The following MARK2 variants were observed in gnomAD, a reference collection of about 807,000 sequenced individuals.
The protein encoded by MARK2 is microtubule affinity regulating kinase 2.
In MARK2, 16 loss-of-function variants were observed where a neutral mutation model predicts 89.8. That is an observed-to-expected ratio of 0.18 (90% CI 0.12 to 0.27). MARK2 has a LOEUF of 0.27. Ranked by LOEUF, MARK2 falls within the 10% of genes least tolerant of loss-of-function variation. The pLI, the probability that MARK2 is intolerant of heterozygous loss-of-function variation, is 1.00. For missense variants in MARK2, 621 were observed against 1,049.9 expected (o/e 0.59, Z 5.65); for synonymous variants, 382 against 399.5 (o/e 0.96, Z 0.52).
chr11:63,867,842 CT>C (rs1331619671), intron 1 of MARK2, among the ~76,000 whole-genome samples: 2 of 152,070 alleles, frequency 1.3e-5, no homozygotes, highest in Non-Finnish European at 2.9e-5. Flanking sequence ...TCTTAGCCCA[CT>C]GTTCCTCTGA....
At chr11:63,858,070 A>C (rs1484957634) in intron 1 of MARK2, among the ~76,000 whole-genome samples, 1 of 152,018 alleles carries the variant, frequency 6.6e-6, no homozygotes, top group Non-Finnish European at 1.5e-5. Context: ...TTTGTCACCC[A>C]GGGTGGAGTG....
At chr11:63,899,133 C>A in intron 7 of MARK2, 25 bp downstream of exon 7, 2 of 1,551,450 alleles carry the variant, frequency 1.3e-6, no homozygotes, top group Non-Finnish European at 1.8e-6. Context: ...TCTCCTTGTG[C>A]CTTTGAGTGG....
At chr11:63,876,486 G>A (rs1286985516) in intron 1 of MARK2, among the ~76,000 whole-genome samples, 1 of 152,206 alleles carries the variant, frequency 6.6e-6, no homozygotes, top group African/African-American at 2.4e-5. Context: ...ACTTGGTAGG[G>A]ACCCCGTTAT....
chr11:63,892,436 G>A lies in MARK2; in HGVS notation c.55-2723G>A, dbSNP rs181081732. On this transcript the variant is annotated intron_variant, in intron 1 of 18. Coordinates refer to ENST00000402010, the MANE Select transcript of MARK2 (RefSeq NM_001039469.3). ...GCTAGCAAGCTTCTTGTCTAGGAAT[G>A]CTGGACAGTTCCTTGGGTAGTAGCA... Among the ~76,000 whole-genome samples, 206 of 152,288 alleles carry A rather than the reference G, an allele frequency of 1.4e-3. 2 individuals carry two copies. The highest frequency in any genetic ancestry group is 4.8e-3 in the African/African-American group (199 of 41,568).
intron 18 of MARK2, 33 bp from the exon 19 acceptor site, chr11:63,908,844 C>CT (rs1941562935): frequency 7.0e-7 from 1 of 1,435,920 alleles, no homozygotes; most frequent in Non-Finnish European, 9.2e-7. Flanking sequence ...TGCCTCAGCC[C>CT]CCCCGTGACG....
intron 1 of MARK2, chr11:63,890,232 C>A (rs758152616): frequency 7.6e-7 from 1 of 1,317,652 alleles, no homozygotes; most frequent in Non-Finnish European, 9.9e-7. Context: ...TGGCTTGCCT[C>A]CTTACCCTGG....
chr11:63,878,327 C>G (rs1489194070), intron 1 of MARK2, among the ~76,000 whole-genome samples: 1 of 151,062 alleles, frequency 6.6e-6, no homozygotes, highest in African/African-American at 2.4e-5. Flanking sequence ...TTAAGCTCTA[C>G]CCCAAATGCT....
rs1361269745 is a variant in MARK2 at position 63,904,708 on chromosome 11, C to A, written c.1677-78C>A. ...CTAGCATCCCCCTCCCTGTCCCCAC[C>A]ACAGGGTGTCCAGGTGCCCAGTGAT... On this transcript the variant is annotated intron_variant, in intron 15 of 18. Transcript: ENST00000402010. This position sits in a 1 kb window ranked among gnomAD's most constrained non-coding sequence, Gnocchi z 6.3. 4.4e-6 allele frequency: 6 copies of A among 1,359,896 alleles called. No homozygotes were observed. The East Asian group carries it at 1.2e-4, about 26-fold the overall frequency. 84.2% of individuals were successfully genotyped at this position (1,359,896 alleles called of 1,614,324 possible). A position where few individuals can be genotyped will look rare whatever the true frequency, so the allele number is the denominator to read the frequency against.
At chr11:63,880,085 C>A (rs1938999211) in intron 1 of MARK2, 1 of 151,324 alleles carries the variant, frequency 6.6e-6, no homozygotes, top group Non-Finnish European at 1.5e-5. Context: ...AGGGTTAAAT[C>A]TGTACCCAGG....
At chr11:63,857,032 C>T (rs1424003730) in intron 1 of MARK2, among the ~76,000 whole-genome samples, 2 of 151,616 alleles carry the variant, frequency 1.3e-5, no homozygotes, top group Non-Finnish European at 2.9e-5. Flanking sequence ...AGGATGGTCT[C>T]GATCTCCTGA....
At chr11:63,839,863 G>T (rs2015920695) in intron 1 of MARK2, among the ~76,000 whole-genome samples, 2 of 151,948 alleles carry the variant, frequency 1.3e-5, no homozygotes, top group Admixed American at 1.3e-4. Flanking sequence ...TTCTCTCAGG[G>T]GCCTTTCTGG....
chr11:63,896,951 C>A (rs1940458027), intron 3 of MARK2, among the ~76,000 whole-genome samples: 1 of 152,192 alleles, frequency 6.6e-6, no homozygotes, highest in Non-Finnish European at 1.5e-5. Context: ...CTCCCTAATT[C>A]TTCCTGACTC....
At chr11:63,863,235 A>C (rs773064605) in intron 1 of MARK2, among the ~76,000 whole-genome samples, 6 of 152,222 alleles carry the variant, frequency 3.9e-5, no homozygotes, top group Non-Finnish European at 7.3e-5. Flanking sequence ...ATAGCTGTGC[A>C]CATGGCTAGC....
intron 18 of MARK2, 36 bp downstream of exon 18, chr11:63,908,340 GC>G: frequency 6.5e-7 from 1 of 1,533,370 alleles, no homozygotes; most frequent in Non-Finnish European, 8.8e-7. Flanking sequence ...CCCTGCCCGG[GC>G]CACCGGGCTT....
chr11:63,860,889 T>C (rs1237166832), intron 1 of MARK2, among the ~76,000 whole-genome samples: 1 of 151,776 alleles, frequency 6.6e-6, no homozygotes, highest in African/African-American at 2.4e-5. Context: ...CAAAAACTCA[T>C]GTCATTTGCT....
At position 63,860,368 on chromosome 11, in the gene MARK2, A is replaced by T. The variant is rs183125599; in HGVS notation, c.54+20808A>T. Among the ~76,000 whole-genome samples, 1,010 of 151,622 alleles carry T rather than the reference A, an allele frequency of 6.7e-3. 3 individuals are homozygous for T. Among genetic ancestry groups the T allele is most frequent in the Non-Finnish European group, 0.011 (757 of 67,870 alleles). The stretch of plus-strand genomic sequence containing the variant: ...GGAGATCGAGACCATCCTGGCCAAC[A>T]TGGTGAAACCCCGTCTCTACTAAAA... On this transcript the variant is annotated intron_variant, in intron 1 of 18. Transcript: ENST00000402010.
chr11:63,861,916 CTTTCT>C (rs1488631277), intron 1 of MARK2, among the ~76,000 whole-genome samples: 7 of 111,556 alleles, frequency 6.3e-5, no homozygotes, highest in Non-Finnish European at 9.3e-5. Flanking sequence ...TAATTTCTTT[CTTTCT>C]TTCTTTTTTT....
intron 1 of MARK2, among the ~76,000 whole-genome samples, chr11:63,885,888 G>T (rs1939366965): frequency 1.3e-5 from 2 of 151,872 alleles, no homozygotes; most frequent in African/African-American, 4.8e-5. Context: ...CAGCACTTTG[G>T]GAGGCCAAGG....
chr11:63,905,955 G>A, intron 16 of MARK2, 133 bp from the exon 17 acceptor site: 2 of 611,650 alleles, frequency 3.3e-6, no homozygotes, highest in East Asian at 6.8e-5. Context: ...GTCTCGCTGA[G>A]CGGCTCTTCC....
Sources: gnomAD v4.1 joint callset for allele counts (sites outside exome capture counted in the v4.1 genomes callset) on GRCh38, gnomAD v4.1.1 for gene constraint, Gnocchi (gnomAD v3.1) non-coding constraint, MANE v1.5 for transcripts, NCBI Gene and HGNC (gene_info 2026-07-23, HGNC 2026-07-21) for gene names.